The following NRXN1 variants were observed in gnomAD, a reference collection of about 807,000 sequenced individuals.
NRXN1 encodes the protein neurexin 1.
In NRXN1, 39 loss-of-function variants were observed where a neutral mutation model predicts 150.9. That is an observed-to-expected ratio of 0.26 (90% CI 0.20 to 0.34). The LOEUF (loss-of-function observed/expected upper bound fraction) is 0.34. Ranked by LOEUF, NRXN1 falls within the 10% of genes least tolerant of loss-of-function variation. The pLI is 1.00. For synonymous variants in NRXN1, 924 were observed against 757.0 expected (o/e 1.22, Z -3.62); for missense variants, 1,815 against 1,949.9 (o/e 0.93, Z 1.30).
chr2:50,332,499 T>A (rs2076899749), intron 17 of NRXN1, among the ~76,000 whole-genome samples: 1 of 152,206 alleles, frequency 6.6e-6, no homozygotes, highest in Non-Finnish European at 1.5e-5. Context: ...GCATTCACCT[T>A]CACCTAGTTG....
intron 5 of NRXN1, among the ~76,000 whole-genome samples, chr2:50,730,382 T>C (rs1697941202): frequency 6.6e-6 from 1 of 152,150 alleles, no homozygotes. Context: ...AAACTATTTA[T>C]TTAAGTATAA....
intron 18 of NRXN1, among the ~76,000 whole-genome samples, chr2:50,210,147 G>A (rs928713542): frequency 3.3e-5 from 5 of 151,866 alleles, no homozygotes; most frequent in Admixed American, 2.0e-4. Flanking sequence ...TCACAAATTC[G>A]TGCATAAACT....
At chr2:50,151,421 C>T (rs945548669) in intron 18 of NRXN1, among the ~76,000 whole-genome samples, 2 of 151,634 alleles carry the variant, frequency 1.3e-5, no homozygotes, top group African/African-American at 4.8e-5. Flanking sequence ...TATCAGTATG[C>T]ACCAGTATAG....
intron 2 of NRXN1, among the ~76,000 whole-genome samples, chr2:50,942,283 C>T (rs1346432795): frequency 6.6e-6 from 1 of 152,188 alleles, no homozygotes; most frequent in Non-Finnish European, 1.5e-5. Flanking sequence ...CATGGAGAAC[C>T]TCTACTAGGG....
At chr2:50,193,916 G>T (rs1347633848) in intron 18 of NRXN1, among the ~76,000 whole-genome samples, 1 of 152,042 alleles carries the variant, frequency 6.6e-6, no homozygotes, top group African/African-American at 2.4e-5. Flanking sequence ...CTACACTGTT[G>T]ATAATGACTA....
At chr2:50,908,362 T>TACACACACAC (rs71404979) in intron 5 of NRXN1, among the ~76,000 whole-genome samples, 2,133 of 148,048 alleles carry the variant, frequency 0.014, 24 homozygotes, top group Middle Eastern at 0.031. Flanking sequence ...CATTCACACA[T>TACACACACAC]ACACACACAC....
At chr2:50,867,283 C>G (rs1327453063) in intron 5 of NRXN1, among the ~76,000 whole-genome samples, 1 of 151,880 alleles carries the variant, frequency 6.6e-6, no homozygotes, top group Non-Finnish European at 1.5e-5. Flanking sequence ...TGATTAAGAC[C>G]TGTGGTTGGG....
chr2:50,174,327 A>G (rs183959045), intron 18 of NRXN1, among the ~76,000 whole-genome samples: 2 of 152,280 alleles, frequency 1.3e-5, no homozygotes, highest in African/African-American at 2.4e-5. Flanking sequence ...TTAGAGCTTT[A>G]GTTTTCTCAA....
intron 18 of NRXN1, among the ~76,000 whole-genome samples, chr2:50,120,385 A>G (rs966499920): frequency 6.6e-6 from 1 of 152,166 alleles, no homozygotes; most frequent in African/African-American, 2.4e-5. Context: ...TTCTCAGGCA[A>G]AAAGTAGACC....
At chr2:50,783,964 A>G (rs1225408131) in intron 5 of NRXN1, among the ~76,000 whole-genome samples, 2 of 152,134 alleles carry the variant, frequency 1.3e-5, no homozygotes, top group Admixed American at 1.3e-4. Context: ...TCTCAAAGCT[A>G]CAAGTAACAA....
In NRXN1 at chr2:50,538,534, T is replaced by C; in HGVS notation, c.1862A>G (p.Asn621Ser). The stretch of plus-strand genomic sequence containing the variant: ...GGTGGGGAAGACAAGGCCAGCTTTA[T>C]TTTCTGGCAGCCCCCCCAGGTACAA... ...DELYLGGLPE[N>S]KAGLVFPTEV... Residue 621 changes from asparagine (N) to serine (S), a missense_variant, in exon 10 of 23, where the codon AAT (asparagine) becomes AGT (serine). By Grantham distance (46) the Asn-to-Ser change is conservative. Transcript: ENST00000401669. 1 of 1,593,528 alleles carries C rather than the reference T, an allele frequency of 6.3e-7. No homozygotes were observed. Among genetic ancestry groups the C allele is most frequent in the Non-Finnish European group, 8.6e-7 (1 of 1,167,858 alleles).
chr2:49,990,301 A>T (rs6754304), intron 21 of NRXN1, among the ~76,000 whole-genome samples: 70,907 of 151,892 alleles, frequency 0.47, 17,207 homozygotes, highest in Middle Eastern at 0.6. Flanking sequence ...ATCAAAAGAA[A>T]GACAGTGTGA....
rs13422484 is a variant in NRXN1, at chr2:50,347,347, A to G, written c.3365-110377T>C. 279,161 of 1,233,862 alleles carry G rather than the reference A, an allele frequency of 0.23. 41,356 individuals are homozygous for G. The highest frequency in any genetic ancestry group is 0.68 in the African/African-American group (43,345 of 63,800). The allele number at this position is 1,233,862 out of a possible 1,614,324, so 76.4% of individuals were successfully genotyped here. A position where few individuals can be genotyped will look rare whatever the true frequency, so the allele number is the denominator to read the frequency against. On this transcript the variant is annotated intron_variant, in intron 17 of 22. Coordinates refer to ENST00000401669, the MANE Select transcript of NRXN1 (RefSeq NM_001330078.2). The surrounding 1 kb of genome is among the most constrained non-coding windows in gnomAD (Gnocchi z 4.9). Reference sequence around the variant, plus strand: ...GAAATTGTTTAAAGCTCCTCCTGGAAGGTCCTCACTTCTACATGACAGACA... The same window carrying G: ...GAAATTGTTTAAAGCTCCTCCTGGAGGGTCCTCACTTCTACATGACAGACA...
At chr2:50,302,070 A>G (rs1234774451) in intron 17 of NRXN1, among the ~76,000 whole-genome samples, 1 of 151,744 alleles carries the variant, frequency 6.6e-6, no homozygotes, top group Non-Finnish European at 1.5e-5. Context: ...ATTTCTTTTA[A>G]GAACCAGAAG....
intron 18 of NRXN1, among the ~76,000 whole-genome samples, chr2:50,173,073 T>A (rs1381084805): frequency 6.6e-6 from 1 of 152,234 alleles, no homozygotes. Flanking sequence ...TACACTGCAA[T>A]CATTTCCTTG....
chr2:50,935,781 G>A (rs1210371189), intron 2 of NRXN1, among the ~76,000 whole-genome samples: 4 of 151,772 alleles, frequency 2.6e-5, no homozygotes, highest in Non-Finnish European at 5.9e-5. Flanking sequence ...AAAAAAAAAA[G>A]TGGCAAAATT....
intron 17 of NRXN1, among the ~76,000 whole-genome samples, chr2:50,361,354 A>G (rs2079172605): frequency 6.6e-6 from 1 of 152,170 alleles, no homozygotes; most frequent in Non-Finnish European, 1.5e-5. Context: ...AACAAAATAG[A>G]TAGACCACTA....
chr2:50,087,652 C>T (rs1698978298), intron 19 of NRXN1, among the ~76,000 whole-genome samples: 1 of 152,076 alleles, frequency 6.6e-6, no homozygotes, highest in Admixed American at 6.5e-5. Flanking sequence ...AATATTATCT[C>T]TGTACTTTGC....
chr2:50,787,755 A>AATTATTAAATAGG (rs1705341514), intron 5 of NRXN1, among the ~76,000 whole-genome samples: 1 of 151,466 alleles, frequency 6.6e-6, no homozygotes, highest in African/African-American at 2.4e-5. Flanking sequence ...CCCTGAAAAG[A>AATTATTAAATAGG]CCAGGAACCA....
Sources: gnomAD v4.1 joint callset for allele counts (sites outside exome capture counted in the v4.1 genomes callset) on GRCh38, gnomAD v4.1.1 for gene constraint, Gnocchi (gnomAD v3.1) non-coding constraint, MANE v1.5 for transcripts, NCBI Gene and HGNC (gene_info 2026-07-23, HGNC 2026-07-21) for gene names.